ZNRF3: variants seen among roughly 807,000 people sequenced by gnomAD.
ZNRF3 encodes the protein E3 ubiquitin-protein ligase ZNRF3.
Under a neutral mutation model 72.5 loss-of-function variants are expected in ZNRF3, and 23 were observed. That is an observed-to-expected ratio of 0.32 (90% CI 0.23 to 0.45). The LOEUF (loss-of-function observed/expected upper bound fraction) is 0.45. Ranked by LOEUF, ZNRF3 falls within the 20% of genes least tolerant of loss-of-function variation. The pLI is 1.00. For missense variants in ZNRF3, 1,169 were observed against 1,272.1 expected (o/e 0.92, Z 1.23); for synonymous variants, 610 against 545.3 (o/e 1.12, Z -1.65).
At chr22:28,949,484 G>T (rs1316543671) in intron 1 of ZNRF3, among the ~76,000 whole-genome samples, 1 of 151,610 alleles carries the variant, frequency 6.6e-6, no homozygotes, top group African/African-American at 2.4e-5. Flanking sequence ...TCACCATGTT[G>T]CCCAGGCTGG....
intron 2 of ZNRF3, among the ~76,000 whole-genome samples, chr22:28,991,568 TG>T (rs892406010): frequency 2.0e-5 from 3 of 152,110 alleles, no homozygotes; most frequent in Admixed American, 6.5e-5. Flanking sequence ...GCCTGGCTTA[TG>T]GGAAATGTTG....
chr22:29,047,213 C>T lies in ZNRF3; in HGVS notation c.912+330C>T, dbSNP rs139113105. 7.4e-3 allele frequency among the ~76,000 whole-genome samples: 1,121 copies of T among 152,306 alleles called. 19 individuals are homozygous for T. The highest frequency in any genetic ancestry group is 0.026 in the African/African-American group (1,082 of 41,560). ...TTGAGGCTGCAGTGAGCTATTATTACACCGCTGCATATCAGCCTGGACAAC... is the reference window on the plus strand; with the variant it reads ...TTGAGGCTGCAGTGAGCTATTATTATACCGCTGCATATCAGCCTGGACAAC... On this transcript the variant is annotated intron_variant, in intron 6 of 8. Transcript: ENST00000544604.
chr22:28,918,840 A>G (rs1158579298), intron 1 of ZNRF3, among the ~76,000 whole-genome samples: 1 of 152,156 alleles, frequency 6.6e-6, no homozygotes, highest in African/African-American at 2.4e-5. Context: ...AGCAGCCTAA[A>G]AGAACGCTGG....
At chr22:28,918,537 CGTGTGTGTGT>C (rs56876101) in intron 1 of ZNRF3, among the ~76,000 whole-genome samples, 9,013 of 148,784 alleles carry the variant, frequency 0.061, 528 homozygotes, top group African/African-American at 0.15. Context: ...TGCATGTGTG[CGTGTGTGTGT>C]GTGTGTGTGT....
intron 2 of ZNRF3, among the ~76,000 whole-genome samples, chr22:29,023,210 C>T (rs181420345): frequency 1.4e-3 from 207 of 152,156 alleles, no homozygotes; most frequent in African/African-American, 4.7e-3. Context: ...ATTCTGATTT[C>T]CCAGAAAACA....
At position 29,048,314 on chromosome 22, in the gene ZNRF3, G is replaced by A; in HGVS notation, c.913-75G>A. ...CGGGCATGCTGTGCAGAACTCCTTG[G>A]TCTATGCTGGACTCTGCAGGAGGAC... is the stretch of plus-strand genomic sequence containing the variant. On this transcript the variant is annotated intron_variant, in intron 6 of 8. Coordinates refer to ENST00000544604, the MANE Select transcript of ZNRF3 (RefSeq NM_001206998.2). This position sits in a 1 kb window ranked among gnomAD's most constrained non-coding sequence, Gnocchi z 4.9. 1 of 1,262,066 alleles carries A rather than the reference G, an allele frequency of 7.9e-7. No individual in the cohort carries two copies. The allele number at this position is 1,262,066 out of a possible 1,614,324, so 78.2% of individuals were successfully genotyped here.
Position 29,043,404 on chromosome 22 carries a change from G to A in ZNRF3, c.607G>A (p.Ala203Thr). ...CGTCAACAAGCAGAAAGTGGCTCGA[G>A]CAAGGATCCAGCACCGCCCTCCTCG... ...NIVNKQKVAR[A>T]RIQHRPPRQP... Residue 203 changes from alanine to threonine, a missense_variant, in exon 4 of 9, where the codon GCA becomes ACA. By Grantham distance (58) the Ala-to-Thr change is moderately conservative (BLOSUM62 0). Around this residue, in one of 2 missense-constraint regions of ZNRF3, gnomAD observed 386 missense variants for 540.7 expected, o/e 0.71. Coordinates refer to ENST00000544604, the MANE Select transcript of ZNRF3 (RefSeq NM_001206998.2). The A allele has an allele frequency of 6.2e-7, 1 of 1,613,794 alleles. No homozygotes were observed. The highest frequency in any genetic ancestry group is 8.5e-7 in the Non-Finnish European group (1 of 1,180,018).
At position 29,048,139 on chromosome 22, in the gene ZNRF3, CT is replaced by C. The variant is rs1258086101; in HGVS notation, c.913-249del. On this transcript the variant is annotated intron_variant, in intron 6 of 8. Coordinates refer to ENST00000544604, the MANE Select transcript of ZNRF3 (RefSeq NM_001206998.2). The surrounding 1 kb of genome is among the most constrained non-coding windows in gnomAD (Gnocchi z 4.9). ...CCTCCTCCAGCTACGGGAAAGACGC[CT>C]GCCTCTGTGCGTGCCCACTCCCTTA... Among the ~76,000 whole-genome samples the C allele has an allele frequency of 1.3e-5, 2 of 152,198 alleles. No homozygotes were observed. The highest frequency in any genetic ancestry group is 1.5e-5 in the Non-Finnish European group (1 of 68,026).
At chr22:28,922,037 A>G (rs1011397590) in intron 1 of ZNRF3, among the ~76,000 whole-genome samples, 8 of 152,316 alleles carry the variant, frequency 5.3e-5, no homozygotes, top group South Asian at 2.1e-4. Flanking sequence ...CATTTGTTTC[A>G]TATACACCTT....
chr22:28,958,654 A>C (rs545850423), intron 1 of ZNRF3, among the ~76,000 whole-genome samples: 1 of 152,206 alleles, frequency 6.6e-6, no homozygotes, highest in South Asian at 2.1e-4. Context: ...GAGAGAGGGT[A>C]TAAGAGTGGC....
intron 1 of ZNRF3, among the ~76,000 whole-genome samples, chr22:28,906,464 C>T (rs1366689982): frequency 1.3e-5 from 2 of 152,222 alleles, no homozygotes; most frequent in Non-Finnish European, 2.9e-5. Context: ...TGTTTTGCAT[C>T]TCAGCCCTGC....
At chr22:28,913,205 C>T (rs2034350260) in intron 1 of ZNRF3, among the ~76,000 whole-genome samples, 1 of 152,220 alleles carries the variant, frequency 6.6e-6, no homozygotes, top group Non-Finnish European at 1.5e-5. Context: ...CTATGAGGAT[C>T]TATGCTATGC....
At chr22:29,018,490 C>G (rs919946433) in intron 2 of ZNRF3, 3 of 158,660 alleles carry the variant, frequency 1.9e-5, no homozygotes, top group African/African-American at 7.2e-5. Context: ...GAACTCTAGC[C>G]CTGAAAAGGG....
intron 8 of ZNRF3, among the ~76,000 whole-genome samples, chr22:29,052,170 T>A: frequency 6.6e-6 from 1 of 152,182 alleles, no homozygotes; most frequent in Middle Eastern, 3.2e-3. Flanking sequence ...TGCAACAAGA[T>A]CTACCTGCAA....
At chr22:28,969,998 C>G (rs1439509999) in intron 1 of ZNRF3, among the ~76,000 whole-genome samples, 1 of 152,084 alleles carries the variant, frequency 6.6e-6, no homozygotes, top group African/African-American at 2.4e-5. Context: ...GAATGAAATG[C>G]CATTACTTGA....
intron 2 of ZNRF3, among the ~76,000 whole-genome samples, chr22:29,021,091 C>T (rs1242697896): frequency 1.3e-5 from 2 of 151,952 alleles, no homozygotes; most frequent in African/African-American, 2.4e-5. Flanking sequence ...CCACTGCACT[C>T]GGCCTGTTTT....
At chr22:28,970,101 TATG>T (rs2035542058) in intron 1 of ZNRF3, among the ~76,000 whole-genome samples, 1 of 152,226 alleles carries the variant, frequency 6.6e-6, no homozygotes, top group Admixed American at 6.5e-5. Flanking sequence ...ACTACAAAGA[TATG>T]ATAATTACTG....
At chr22:28,937,206 TATATA>T (rs1175252317) in intron 1 of ZNRF3, among the ~76,000 whole-genome samples, 335 of 4,704 alleles carry the variant, frequency 0.071, 1 homozygote, top group Non-Finnish European at 0.14. Context: ...TATATATATA[TATATA>T]TATATTTTTT....
chr22:28,942,211 G>T (rs767615825), intron 1 of ZNRF3, among the ~76,000 whole-genome samples: 13 of 152,224 alleles, frequency 8.5e-5, no homozygotes, highest in Non-Finnish European at 1.6e-4. Flanking sequence ...TCTCAACAAA[G>T]CTTGTCTGAA....
Sources: allele counts gnomAD v4.1 joint callset (sites outside exome capture counted in the v4.1 genomes callset), GRCh38; gene constraint gnomAD v4.1.1; regional missense constraint gnomAD v4.1.1; non-coding constraint Gnocchi (gnomAD v3.1); transcripts MANE v1.5; gene names NCBI Gene and HGNC (gene_info 2026-07-23, HGNC 2026-07-21).